SLC4A8: variants seen among roughly 807,000 people sequenced by gnomAD.
SLC4A8 encodes the protein solute carrier family 4 member 8, also known as electroneutral sodium bicarbonate exchanger 1.
A neutral mutation model predicts 125.0 loss-of-function variants in SLC4A8; 40 were observed. The observed-to-expected ratio is 0.32, with a 90% confidence interval of 0.25 to 0.42. The LOEUF (loss-of-function observed/expected upper bound fraction) is 0.42, where lower values mean the gene tolerates loss of function less well. SLC4A8 is among the 10% of genes least tolerant of loss of function. The probability of loss-of-function intolerance (pLI) is 1.00; values close to 1 mark genes in which losing one functional copy is unlikely to be tolerated. For missense variants in SLC4A8, 863 were observed against 1,355.1 expected (o/e 0.64, Z 5.70); for synonymous variants, 456 against 476.0 (o/e 0.96, Z 0.55).
chr12:51,400,785 T>C (rs1172496144), intron 1 of SLC4A8, among the ~76,000 whole-genome samples: 545 of 11,118 alleles, frequency 0.049, 81 homozygotes, highest in African/African-American at 0.15. Flanking sequence ...TATACATACA[T>C]ACACACACAC....
chr12:51,457,553 G>A lies in SLC4A8; in HGVS notation c.763+14G>A, dbSNP rs1173689271. ...TGGATAAACATGGTAAGATTATTAG[G>A]TGATTTTTCTCTCTTTATTAATAAG... On this transcript the variant is annotated intron_variant, in intron 6 of 24. Coordinates refer to ENST00000453097, the MANE Select transcript of SLC4A8 (RefSeq NM_001039960.3). The A allele has an allele frequency of 1.2e-6, 2 of 1,603,526 alleles. No individual in the cohort carries two copies. Among genetic ancestry groups the A allele is most frequent in the African/African-American group, 2.7e-5 (2 of 74,444 alleles).
intron 18 of SLC4A8, 100 bp downstream of exon 18, chr12:51,488,960 A>C (rs1361475423): frequency 6.0e-4 from 504 of 844,650 alleles, no homozygotes; most frequent in Non-Finnish European, 7.3e-4. Flanking sequence ...GTAGAATCTC[A>C]TAGAAGAGGT....
intron 1 of SLC4A8, among the ~76,000 whole-genome samples, chr12:51,432,252 CA>C (rs943386977): frequency 2.0e-5 from 3 of 148,148 alleles, no homozygotes; most frequent in Admixed American, 1.3e-4. Flanking sequence ...ACTAAAAATA[CA>C]AAAAAAAATT....
At chr12:51,506,190 T>C (rs146908263) in intron 24 of SLC4A8, among the ~76,000 whole-genome samples, 2 of 152,346 alleles carry the variant, frequency 1.3e-5, no homozygotes, top group Non-Finnish European at 2.9e-5. Flanking sequence ...ATAAATTTGC[T>C]TTGCCTGTTT....
intron 1 of SLC4A8, among the ~76,000 whole-genome samples, chr12:51,432,709 G>A (rs974938836): frequency 6.6e-6 from 1 of 152,078 alleles, no homozygotes; most frequent in Non-Finnish European, 1.5e-5. Context: ...GTGACAGAGC[G>A]AGACTCTGTC....
upstream of SLC4A8, among the ~76,000 whole-genome samples, chr12:51,422,626 C>T (rs1258306963): frequency 6.6e-6 from 1 of 152,202 alleles, no homozygotes; most frequent in Non-Finnish European, 1.5e-5. Context: ...TCCCAAAGTG[C>T]TGGGATTACA....
intron 2 of SLC4A8, among the ~76,000 whole-genome samples, chr12:51,442,970 G>T (rs541236588): frequency 7.9e-5 from 12 of 152,190 alleles, no homozygotes; most frequent in South Asian, 2.1e-4. Flanking sequence ...CATGATATCA[G>T]GTTCTGTGGC....
In SLC4A8 at chr12:51,469,653, C is replaced by A; in HGVS notation, c.1389C>A (p.Ala463=). Residue 463 remains alanine (A), a synonymous_variant, in exon 12 of 25, where the codon GCC becomes GCA. Coordinates refer to ENST00000453097, the MANE Select transcript of SLC4A8 (RefSeq NM_001039960.3). ...GGLVLDIKRK[A]PWYWSDYRDA... Reference sequence around the variant, plus strand: ...TGGTGCTGGACATCAAGCGGAAGGCCCCCTGGTACTGGAGCGACTACCGAG... The same window carrying A: ...TGGTGCTGGACATCAAGCGGAAGGCACCCTGGTACTGGAGCGACTACCGAG... The A allele has an allele frequency of 6.2e-7, 1 of 1,608,516 alleles. No individual in the cohort carries two copies. Among genetic ancestry groups the A allele is most frequent in the Non-Finnish European group, 8.5e-7 (1 of 1,177,748 alleles).
intron 1 of SLC4A8, chr12:51,403,415 T>C: frequency 2.8e-6 from 1 of 363,084 alleles, no homozygotes; most frequent in Non-Finnish European, 5.6e-6. Flanking sequence ...GGCCTGGGTT[T>C]GAGGGTGGGC....
intron 2 of SLC4A8, among the ~76,000 whole-genome samples, chr12:51,441,873 G>C (rs569923336): frequency 1.3e-5 from 2 of 152,324 alleles, no homozygotes; most frequent in East Asian, 3.9e-4. Context: ...GTGGAGGTCA[G>C]TGGTGTTTGG....
At chr12:51,396,437 A>T (rs764879702) in intron 1 of SLC4A8, among the ~76,000 whole-genome samples, 49 of 152,306 alleles carry the variant, frequency 3.2e-4, no homozygotes, top group Non-Finnish European at 3.8e-4. Context: ...TGCAAAATTT[A>T]TGGGGGCATC....
chr12:51,398,216 T>C (rs922925024), intron 1 of SLC4A8, among the ~76,000 whole-genome samples: 2 of 152,272 alleles, frequency 1.3e-5, no homozygotes, highest in Admixed American at 1.3e-4. Context: ...AGAAAAGTTT[T>C]CTAGTGTTCT....
chr12:51,456,435 G>A (rs576938950), intron 5 of SLC4A8, among the ~76,000 whole-genome samples: 4 of 152,240 alleles, frequency 2.6e-5, no homozygotes, highest in Non-Finnish European at 5.9e-5. Flanking sequence ...TTGAAGAAGT[G>A]CATAGGACTG....
chr12:51,464,740 T>C (rs1307674084), intron 11 of SLC4A8, among the ~76,000 whole-genome samples: 1 of 152,258 alleles, frequency 6.6e-6, no homozygotes, highest in Non-Finnish European at 1.5e-5. Context: ...TGCTTGAGGT[T>C]GCTTTCCTTA....
intron 6 of SLC4A8, 152 bp from the exon 7 acceptor site, chr12:51,458,407 A>G (rs1950222067): frequency 3.2e-6 from 2 of 615,498 alleles, no homozygotes; most frequent in Admixed American, 5.6e-5. Flanking sequence ...GATAAGGAGA[A>G]AGATGTGTGT....
intron 16 of SLC4A8, among the ~76,000 whole-genome samples, 170 bp from the exon 17 acceptor site, chr12:51,485,617 T>A (rs79762158): frequency 1.3e-5 from 2 of 152,336 alleles, no homozygotes; most frequent in East Asian, 3.9e-4. Context: ...CCACACTTTA[T>A]GAGCATCAGT....
At chr12:51,400,031 A>T (rs1026021479) in intron 1 of SLC4A8, among the ~76,000 whole-genome samples, 1 of 150,740 alleles carries the variant, frequency 6.6e-6, no homozygotes, top group Non-Finnish European at 1.5e-5. Flanking sequence ...GGTAGCACAG[A>T]GGTACGAAGT....
At chr12:51,489,655 T>A (rs375561765) in intron 18 of SLC4A8, 45 bp from the exon 19 acceptor site, 760 of 1,610,440 alleles carry the variant, frequency 4.7e-4, no homozygotes, top group Non-Finnish European at 6.0e-4. Flanking sequence ...TATGCCCTAC[T>A]ACAGCTAGCC....
intron 1 of SLC4A8, among the ~76,000 whole-genome samples, chr12:51,394,431 C>A (rs981391612): frequency 6.6e-6 from 1 of 152,240 alleles, no homozygotes; most frequent in Admixed American, 6.5e-5. Flanking sequence ...ACGGTGCAGG[C>A]TTCCTCTCCA....
Sources: allele counts gnomAD v4.1 joint callset (sites outside exome capture counted in the v4.1 genomes callset), GRCh38; gene constraint gnomAD v4.1.1; transcripts MANE v1.5; gene names NCBI Gene and HGNC (gene_info 2026-07-23, HGNC 2026-07-21).